MAST4: variants seen among roughly 807,000 people sequenced by gnomAD.
The protein encoded by MAST4 is microtubule-associated serine/threonine-protein kinase 4.
In MAST4, 89 loss-of-function variants were observed where a neutral mutation model predicts 162.7. The observed-to-expected ratio is 0.55, with a 90% CI of 0.46 to 0.65. The LOEUF is 0.65. Ranked by LOEUF, MAST4 falls within the 30% of genes least tolerant of loss-of-function variation. The probability of loss-of-function intolerance (pLI) is 0.00; values close to 1 mark genes in which losing one functional copy is unlikely to be tolerated. For synonymous variants in MAST4, 1,479 were observed against 1,361.1 expected (o/e 1.09, Z -1.91); for missense variants, 3,153 against 3,374.0 (o/e 0.93, Z 1.62).
intron 1 of MAST4, among the ~76,000 whole-genome samples, chr5:66,659,375 T>C (rs2149458295): frequency 6.6e-6 from 1 of 152,362 alleles, no homozygotes; most frequent in East Asian, 1.9e-4. Context: ...TTTTCACTGA[T>C]GTATCACGTT....
At chr5:67,140,637 G>T (rs950844360) in intron 19 of MAST4, among the ~76,000 whole-genome samples, 3 of 152,224 alleles carry the variant, frequency 2.0e-5, no homozygotes, top group Non-Finnish European at 4.4e-5. Flanking sequence ...CCCTCTGGGG[G>T]ATCGTGGTCC....
At chr5:66,801,414 A>G (rs1322831496) in intron 3 of MAST4, among the ~76,000 whole-genome samples, 1 of 152,220 alleles carries the variant, frequency 6.6e-6, no homozygotes, top group Non-Finnish European at 1.5e-5. Context: ...GGTACATACC[A>G]GCTATCAGCT....
At chr5:66,931,471 G>C (rs1287093999) in intron 4 of MAST4, among the ~76,000 whole-genome samples, 1 of 152,088 alleles carries the variant, frequency 6.6e-6, no homozygotes, top group African/African-American at 2.4e-5. Context: ...TGCTGGGAGG[G>C]AGAGATGTTG....
chr5:66,614,858 A>G (rs1326581528), intron 1 of MAST4, among the ~76,000 whole-genome samples: 2 of 152,066 alleles, frequency 1.3e-5, no homozygotes, highest in African/African-American at 4.8e-5. Flanking sequence ...CCTGCTGGAG[A>G]TGTTTTTCTC....
chr5:66,808,980 A>G (rs1162371146), intron 3 of MAST4, among the ~76,000 whole-genome samples: 1 of 152,196 alleles, frequency 6.6e-6, no homozygotes, highest in Non-Finnish European at 1.5e-5. Flanking sequence ...TGGGAGCTGA[A>G]GAGGTATTTC....
chr5:66,906,216 A>T (rs1763343675), intron 4 of MAST4, among the ~76,000 whole-genome samples: 1 of 152,160 alleles, frequency 6.6e-6, no homozygotes, highest in African/African-American at 2.4e-5. Flanking sequence ...GGTTGTGCTG[A>T]ATTCCAAAGG....
intron 21 of MAST4, 174 bp downstream of exon 21, chr5:67,142,707 C>G (rs907055081): frequency 9.3e-6 from 5 of 538,086 alleles, no homozygotes; most frequent in Non-Finnish European, 1.3e-5. Flanking sequence ...CTGTCCCTAT[C>G]CCCTAGGCCT....
intron 3 of MAST4, among the ~76,000 whole-genome samples, chr5:66,870,297 A>G (rs940991298): frequency 6.6e-6 from 1 of 152,184 alleles, no homozygotes; most frequent in African/African-American, 2.4e-5. Flanking sequence ...CTTCTGAGGC[A>G]GGCGACTTGT....
intron 4 of MAST4, among the ~76,000 whole-genome samples, chr5:66,907,459 G>C (rs918462789): frequency 6.6e-6 from 1 of 152,110 alleles, no homozygotes; most frequent in African/African-American, 2.4e-5. Context: ...AGGGACCCTT[G>C]GCTGTCTCCT....
At chr5:66,833,311 A>G (rs141477006) in intron 3 of MAST4, among the ~76,000 whole-genome samples, 48 of 152,244 alleles carry the variant, frequency 3.2e-4, no homozygotes, top group Admixed American at 9.8e-4. Flanking sequence ...TGTCAATTCT[A>G]CCATCAAAGT....
chr5:66,774,610 T>C (rs762604905), intron 2 of MAST4, among the ~76,000 whole-genome samples: 6 of 152,242 alleles, frequency 3.9e-5, no homozygotes, highest in African/African-American at 7.2e-5. Flanking sequence ...TTATTATTTG[T>C]GTACCTATCA....
intron 4 of MAST4, among the ~76,000 whole-genome samples, chr5:67,020,748 A>G (rs915339261): frequency 1.3e-5 from 2 of 152,216 alleles, no homozygotes; most frequent in Non-Finnish European, 2.9e-5. Context: ...CTCATCTTTC[A>G]GTATGGAAAA....
At chr5:67,123,876 G>A (rs1380170401) in intron 14 of MAST4, among the ~76,000 whole-genome samples, 2 of 152,198 alleles carry the variant, frequency 1.3e-5, no homozygotes, top group African/African-American at 4.8e-5. Context: ...AGAGGCGCAT[G>A]TGTGCAAGTG....
At position 67,165,902 on chromosome 5, in the gene MAST4, C is replaced by T. The variant is rs905921297; in HGVS notation, c.6723C>T (p.Gly2241=). The T allele has an allele frequency of 4.3e-6, 7 of 1,613,304 alleles. No individual in the cohort carries two copies. The highest frequency in any genetic ancestry group is 1.7e-5 in the Admixed American group (1 of 60,018). ...SLGGSSREGK[G]HSKSGPDVFP... ...GTGGCTCTAGCAGAGAGGGGAAGGG[C>T]CACAGTAAGAGTGGGCCGGATGTGT... The change falls in exon 29 of 29, where the codon GGC becomes GGT. Residue 2241 remains glycine, a synonymous_variant. Transcript: ENST00000403625.
chr5:67,149,309 T>TGCTGTCTCTCTCTTCCC lies in MAST4; in HGVS notation c.3095-78_3095-62dup, dbSNP rs1417962176. ...TATGTTCTCTGGCGTTTACTCTTCC[T>TGCTGTCTCTCTCTTCCC]GCTGTCTCTCTCTTCCCGTCTTCCC... On this transcript the variant is annotated intron_variant, in intron 23 of 28. Transcript: ENST00000403625. 17 of 1,295,852 alleles carry TGCTGTCTCTCTCTTCCC rather than the reference T, an allele frequency of 1.3e-5. 1 individual carries two copies. In the Admixed American group the frequency reaches 3.4e-4, roughly 26 times the overall value. 80.3% of individuals were successfully genotyped at this position (1,295,852 alleles called of 1,614,324 possible).
intron 4 of MAST4, chr5:66,986,616 A>ATATATTTATTTATT (rs1554077141): frequency 2.0e-5 from 4 of 199,044 alleles, no homozygotes; most frequent in African/African-American, 9.9e-5. Flanking sequence ...ATATATATAT[A>ATATATTTATTTATT]TATTTATTTA....
chr5:67,146,733 C>A lies in MAST4; in HGVS notation c.3094+1354C>A, dbSNP rs189325865. ...AATAATGTTGGATTTTCTTCTCTGT[C>A]TTCACTTCAGTTCTGTTTTCATGTT... On this transcript the variant is annotated intron_variant, in intron 23 of 28. Coordinates refer to ENST00000403625, the MANE Select transcript of MAST4 (RefSeq NM_001164664.2). Among the ~76,000 whole-genome samples the A allele has an allele frequency of 1.6e-3, 247 of 152,138 alleles. 1 individual carries two copies. The highest frequency in any genetic ancestry group is 3.2e-3 in the Admixed American group (49 of 15,288).
chr5:66,837,895 T>TATATATATATATATATATA (rs70987141), intron 3 of MAST4, among the ~76,000 whole-genome samples: 4 of 15,730 alleles, frequency 2.5e-4, no homozygotes, highest in South Asian at 5.1e-3. Context: ...TATATATATA[T>TATATATATATATATATATA]TTTTTTTTTT....
intron 14 of MAST4, among the ~76,000 whole-genome samples, chr5:67,124,196 C>T (rs917272510): frequency 1.3e-5 from 2 of 152,194 alleles, no homozygotes; most frequent in African/African-American, 2.4e-5. Context: ...TGCCCCTCCA[C>T]CTTCTACCCT....
Sources: gnomAD v4.1 joint callset for allele counts (sites outside exome capture counted in the v4.1 genomes callset) on GRCh38, gnomAD v4.1.1 for gene constraint, MANE v1.5 for transcripts, NCBI Gene and HGNC (gene_info 2026-07-23, HGNC 2026-07-21) for gene names.